The following FMNL2 variants were observed in gnomAD, a reference collection of about 807,000 sequenced individuals.
FMNL2 encodes formin like 2, also known as formin-like protein 2.
In FMNL2, 51 loss-of-function variants were observed where a neutral mutation model predicts 130.2. The observed-to-expected ratio is 0.39, with a 90% confidence interval of 0.31 to 0.49. FMNL2 has a LOEUF of 0.49. Among genes scored for constraint, FMNL2 ranks in the 20% least tolerant of loss-of-function variants. The probability of loss-of-function intolerance (pLI) is 0.85; values close to 1 mark genes in which losing one functional copy is unlikely to be tolerated. For missense variants in FMNL2, 977 were observed against 1,316.2 expected (o/e 0.74, Z 3.99); for synonymous variants, 465 against 467.1 (o/e 1.00, Z 0.06).
At chr2:152,377,608 G>A (rs1291695040) in intron 1 of FMNL2, among the ~76,000 whole-genome samples, 1 of 152,164 alleles carries the variant, frequency 6.6e-6, no homozygotes, top group Non-Finnish European at 1.5e-5. Flanking sequence ...ACAGTATATA[G>A]GATAGAACAT....
At chr2:152,532,052 T>A (rs530688105) in intron 2 of FMNL2, among the ~76,000 whole-genome samples, 23 of 152,350 alleles carry the variant, frequency 1.5e-4, no homozygotes, top group Admixed American at 2.6e-4. Context: ...TACCATAATT[T>A]TTAATTCTTT....
intron 9 of FMNL2, among the ~76,000 whole-genome samples, chr2:152,587,239 A>G (rs1273972654): frequency 6.6e-6 from 1 of 152,166 alleles, no homozygotes; most frequent in African/African-American, 2.4e-5. Flanking sequence ...CACTTCTGCC[A>G]TGTTATCTGG....
chr2:152,468,719 C>G (rs755428876), intron 1 of FMNL2, among the ~76,000 whole-genome samples: 1 of 152,006 alleles, frequency 6.6e-6, no homozygotes, highest in Non-Finnish European at 1.5e-5. Flanking sequence ...AATTTAATTC[C>G]ATATGTGCTT....
Position 152,575,283 on chromosome 2 carries a change from A to G in FMNL2, c.705+39A>G, listed in dbSNP as rs1438324009. 1.2e-5 allele frequency: 16 copies of G among 1,361,424 alleles called. No individual in the cohort carries two copies. In the East Asian group the frequency reaches 3.9e-4, roughly 33 times the overall value. The allele number at this position is 1,361,424 out of a possible 1,614,324, so 84.3% of individuals were successfully genotyped here. ...TCTGGTTCTTTTAAAAAAAACCTGA[A>G]TTAATCAGACTCAGAAATGACTGCT... On this transcript the variant is annotated intron_variant, in intron 7 of 25. Coordinates refer to ENST00000288670, the MANE Select transcript of FMNL2 (RefSeq NM_052905.4).
At chr2:152,431,117 C>A (rs1217608737) in intron 1 of FMNL2, among the ~76,000 whole-genome samples, 4 of 152,032 alleles carry the variant, frequency 2.6e-5, no homozygotes, top group Non-Finnish European at 5.9e-5. Context: ...AATAATGGTT[C>A]TTTTTAAGGC....
intron 6 of FMNL2, among the ~76,000 whole-genome samples, chr2:152,561,237 A>C (rs1159004558): frequency 6.6e-6 from 1 of 152,168 alleles, no homozygotes; most frequent in Non-Finnish European, 1.5e-5. Flanking sequence ...AGCTTCTGGA[A>C]ACACCATACC....
At chr2:152,348,984 G>A (rs1328450461) in intron 1 of FMNL2, among the ~76,000 whole-genome samples, 1 of 145,276 alleles carries the variant, frequency 6.9e-6, no homozygotes, top group East Asian at 2.0e-4. Flanking sequence ...ACAGGTGCCC[G>A]CCACCGCGCC....
intron 6 of FMNL2, among the ~76,000 whole-genome samples, chr2:152,566,418 T>C (rs1424480961): frequency 1.3e-5 from 2 of 152,302 alleles, no homozygotes; most frequent in South Asian, 4.1e-4. Flanking sequence ...GCTACTGTTA[T>C]ACCACTGTGA....
chr2:152,640,658 G>A, intron 24 of FMNL2, 133 bp from the exon 25 acceptor site: 1 of 1,130,788 alleles, frequency 8.8e-7, no homozygotes, highest in Non-Finnish European at 1.2e-6. Context: ...CTGCAACTGA[G>A]CAGAATGTGG....
At chr2:152,568,267 A>T (rs1430807543) in intron 6 of FMNL2, among the ~76,000 whole-genome samples, 1 of 103,066 alleles carries the variant, frequency 9.7e-6, no homozygotes, top group African/African-American at 3.9e-5. Flanking sequence ...CCAGGCTGGG[A>T]TGTAGTGGCG....
At chr2:152,441,320 C>T (rs1191470637) in intron 1 of FMNL2, among the ~76,000 whole-genome samples, 5 of 152,268 alleles carry the variant, frequency 3.3e-5, no homozygotes, top group East Asian at 1.9e-4. Context: ...TTAACAAGTT[C>T]GCTAGATAAT....
At chr2:152,570,883 A>G (rs1478272997) in intron 6 of FMNL2, among the ~76,000 whole-genome samples, 2 of 152,230 alleles carry the variant, frequency 1.3e-5, no homozygotes, top group Non-Finnish European at 1.5e-5. Context: ...GTTCTCATCC[A>G]TAAAAGTGAT....
intron 1 of FMNL2, among the ~76,000 whole-genome samples, chr2:152,397,089 A>G (rs1451814627): frequency 6.6e-6 from 1 of 152,218 alleles, no homozygotes. Context: ...ATGGAAAAAG[A>G]TCTATTAAGG....
intron 20 of FMNL2, 66 bp downstream of exon 20, chr2:152,629,971 G>A: frequency 7.1e-7 from 1 of 1,413,920 alleles, no homozygotes; most frequent in Non-Finnish European, 9.7e-7. Context: ...ATGAAGTTAG[G>A]GTGGTGGAGG....
chr2:152,425,304 A>G (rs571000034), intron 1 of FMNL2, among the ~76,000 whole-genome samples: 27 of 152,154 alleles, frequency 1.8e-4, no homozygotes, highest in Non-Finnish European at 3.7e-4. Context: ...GGAATTGGAG[A>G]CAGAGTTATT....
At chr2:152,543,217 C>T (rs755371053) in intron 3 of FMNL2, among the ~76,000 whole-genome samples, 1 of 152,200 alleles carries the variant, frequency 6.6e-6, no homozygotes, top group Non-Finnish European at 1.5e-5. Flanking sequence ...TTTGTCATCC[C>T]AGCTGTGCAC....
At chr2:152,506,978 G>A (rs577022102) in intron 1 of FMNL2, among the ~76,000 whole-genome samples, 2 of 152,204 alleles carry the variant, frequency 1.3e-5, no homozygotes, top group East Asian at 3.9e-4. Context: ...ATTTTCTCTT[G>A]TTACTTGCTT....
chr2:152,430,073 C>CA (rs1225375769), intron 1 of FMNL2, among the ~76,000 whole-genome samples: 2 of 152,050 alleles, frequency 1.3e-5, no homozygotes, highest in Admixed American at 6.6e-5. Context: ...AACCAACAAA[C>CA]AAAAAAAGCA....
chr2:152,641,180 T>C (rs955228839), intron 25 of FMNL2, among the ~76,000 whole-genome samples: 3 of 152,264 alleles, frequency 2.0e-5, no homozygotes, highest in African/African-American at 7.2e-5. Flanking sequence ...GTCATCATGC[T>C]CCATTTTTTT....
Sources: allele counts gnomAD v4.1 joint callset (sites outside exome capture counted in the v4.1 genomes callset), GRCh38; gene constraint gnomAD v4.1.1; transcripts MANE v1.5; gene names NCBI Gene and HGNC (gene_info 2026-07-23, HGNC 2026-07-21).